MXD4: variants seen among roughly 807,000 people sequenced by gnomAD.
MXD4 encodes MAX dimerization protein 4, also known as Mad4 homolog.
In MXD4, 16 loss-of-function variants were observed where a neutral mutation model predicts 24.5. The observed-to-expected ratio is 0.65, with a 90% CI of 0.44 to 0.99. The LOEUF is 0.99. MXD4 is among the 50% of genes least tolerant of loss of function. MXD4 has a pLI of 0.00. For missense variants in MXD4, 301 were observed against 301.5 expected (o/e 1.00, Z 0.01); for synonymous variants, 164 against 134.2 (o/e 1.22, Z -1.54).
At chr4:2,257,144 G>A (rs1304731049) in intron 3 of MXD4, among the ~76,000 whole-genome samples, 1 of 152,234 alleles carries the variant, frequency 6.6e-6, no homozygotes, top group Admixed American at 6.5e-5. Flanking sequence ...AGTTGGTGCT[G>A]CTGTGGGGGT....
In MXD4 at chr4:2,249,190, T is replaced by G. The variant is rs952363146; in HGVS notation, c.*1354A>C. ...CAGGAGATGGGAGGACAGCACTAGC[T>G]GGGCAGGCCTGGGGCACCCTGAGCC... On this transcript the variant is annotated 3_prime_UTR_variant, in exon 6 of 6. Coordinates refer to ENST00000337190, the MANE Select transcript of MXD4 (RefSeq NM_006454.3). 6.6e-6 allele frequency: 1 copy of G among 152,584 alleles called. No homozygotes were observed. Among genetic ancestry groups the G allele is most frequent in the Non-Finnish European group, 1.5e-5 (1 of 68,046 alleles). 9.5% of individuals were successfully genotyped at this position (152,584 alleles called of 1,614,324 possible).
At position 2,262,007 on chromosome 4, in the gene MXD4, G is replaced by GGAC; in HGVS notation, c.-30_-28dup. 1.6e-6 allele frequency: 2 copies of GGAC among 1,213,406 alleles called. No homozygotes were observed. Among genetic ancestry groups the GGAC allele is most frequent in the African/African-American group, 1.6e-5 (1 of 62,118 alleles). 75.2% of individuals were successfully genotyped at this position (1,213,406 alleles called of 1,614,324 possible). On this transcript the variant is annotated 5_prime_UTR_variant, in exon 1 of 6. Coordinates refer to ENST00000337190, the MANE Select transcript of MXD4 (RefSeq NM_006454.3). ...CTCCCGCCCGCGCCCGTCCGCCCCGGGACGGCGGCGGCCGCTGCCCGGCCC... is the reference window on the plus strand; with the variant it reads ...CTCCCGCCCGCGCCCGTCCGCCCCGGGACGACGGCGGCGGCCGCTGCCCGGCCC...
At position 2,251,115 on chromosome 4, in the gene MXD4, G is replaced by A. The variant is rs764860254; in HGVS notation, c.441C>T (p.Gly147=). The A allele has an allele frequency of 6.3e-7, 1 of 1,589,044 alleles. No homozygotes were observed. Residue 147 remains glycine (G), a synonymous_variant, in exon 5 of 6, where the codon GGC becomes GGT. Coordinates refer to ENST00000337190, the MANE Select transcript of MXD4 (RefSeq NM_006454.3). ...SVERVRTDST[G]SAVSTDDSEQ... is the part of the protein sequence containing the mutation. ...CTGAGTCGTCCGTGGAGACAGCAGA[G>A]CCCGTGCTATCTGTGCGCACGCGCT...
Position 2,261,830 on chromosome 4 carries a change from GAC to G in MXD4, c.65-8_65-7del, listed in dbSNP as rs1735554602. On this transcript the variant is annotated splice_polypyrimidine_tract_variant and splice_region_variant and intron_variant, in intron 1 of 5. Coordinates refer to ENST00000337190, the MANE Select transcript of MXD4 (RefSeq NM_006454.3). ...GGCGTAGCCGTGCTCGGCCTCTGCG[GAC>G]ACACGGCGCGGTCAGCGGCCCCCGC... is the stretch of plus-strand genomic sequence containing the variant. 2.9e-6 allele frequency: 4 copies of G among 1,370,350 alleles called. No individual in the cohort carries two copies. The highest frequency in any genetic ancestry group is 3.8e-6 in the Non-Finnish European group (4 of 1,059,712). The allele number at this position is 1,370,350 out of a possible 1,614,324, so 84.9% of individuals were successfully genotyped here. A position where few individuals can be genotyped will look rare whatever the true frequency, so the allele number is the denominator to read the frequency against.
Position 2,249,794 on chromosome 4 carries a change from T to C in MXD4, c.*750A>G, listed in dbSNP as rs1735275869. On this transcript the variant is annotated 3_prime_UTR_variant, in exon 6 of 6. Transcript: ENST00000337190. ...TTTGCCAGATGACCCCTGAAGGCCA[T>C]CATCCCCAGAACATGTGACCTCGGG... The C allele has an allele frequency of 6.6e-6, 1 of 152,336 alleles. No individual in the cohort carries two copies. Among genetic ancestry groups the C allele is most frequent in the South Asian group, 2.1e-4 (1 of 4,826 alleles). 9.4% of individuals were successfully genotyped at this position (152,336 alleles called of 1,614,324 possible).
chr4:2,254,181 T>C (rs1438200138), intron 3 of MXD4: 1 of 151,494 alleles, frequency 6.6e-6, no homozygotes, highest in African/African-American at 2.4e-5. Flanking sequence ...AATTTAAAAA[T>C]GCAAATCAAC....
rs1267908862 is a variant in MXD4 at position 2,249,552 on chromosome 4, C to T, written c.*992G>A. The T allele has an allele frequency of 6.6e-6, 1 of 151,888 alleles. No homozygotes were observed. Among genetic ancestry groups the T allele is most frequent in the Non-Finnish European group, 1.5e-5 (1 of 67,982 alleles). The allele number at this position is 151,888 out of a possible 1,614,324, so 9.4% of individuals were successfully genotyped here. A position where few individuals can be genotyped will look rare whatever the true frequency, so the allele number is the denominator to read the frequency against. On this transcript the variant is annotated 3_prime_UTR_variant, in exon 6 of 6. Transcript: ENST00000337190. Reference sequence around the variant, plus strand: ...GGTGGCTCCAGGAGCCCTAACCGGGCTGCTGGGCAGTGCAGCATTTTACTT... The same window carrying T: ...GGTGGCTCCAGGAGCCCTAACCGGGTTGCTGGGCAGTGCAGCATTTTACTT...
In MXD4 at chr4:2,248,012, C is replaced by T. The variant is rs1735232175; in HGVS notation, c.*2532G>A. 1 of 152,354 alleles carries T rather than the reference C, an allele frequency of 6.6e-6. No individual in the cohort carries two copies. 9.4% of individuals were successfully genotyped at this position (152,354 alleles called of 1,614,324 possible). On this transcript the variant is annotated 3_prime_UTR_variant, in exon 6 of 6. Transcript: ENST00000337190. ...CTGGTGTGGGCTGGGAGGGCACACG[C>T]AGAGGCTCAGGAGCCCCGGGCTCTG...
chr4:2,260,795 GC>G (rs1305216114), intron 2 of MXD4, among the ~76,000 whole-genome samples: 1 of 152,234 alleles, frequency 6.6e-6, no homozygotes. Flanking sequence ...GGGCTCTGAA[GC>G]CCCCTACAAA....
intron 2 of MXD4, chr4:2,259,121 C>G: frequency 2.8e-6 from 1 of 351,192 alleles, no homozygotes; most frequent in South Asian, 2.0e-5. Flanking sequence ...CCTGAGGCCT[C>G]TCCCTGCCCT....
chr4:2,250,734 C>T (rs766253534), intron 5 of MXD4, 33 bp from the exon 6 acceptor site: 45 of 1,600,482 alleles, frequency 2.8e-5, no homozygotes, highest in Non-Finnish European at 3.8e-5. Context: ...GGGGTCAGGC[C>T]ACTCTGAGGG....
intron 2 of MXD4, 78 bp from the exon 3 acceptor site, chr4:2,258,089 G>A (rs1735467060): frequency 6.4e-7 from 1 of 1,567,502 alleles, no homozygotes; most frequent in Non-Finnish European, 8.7e-7. Flanking sequence ...TCTCCTAGGG[G>A]GCCAGGACCT....
chr4:2,260,292 T>G (rs1447526369), intron 2 of MXD4, among the ~76,000 whole-genome samples: 2 of 152,128 alleles, frequency 1.3e-5, no homozygotes, highest in Admixed American at 1.3e-4. Flanking sequence ...GATGGGTGAG[T>G]GGCAGGCAAG....
chr4:2,260,943 G>A (rs1238380159), intron 2 of MXD4, among the ~76,000 whole-genome samples: 2 of 152,292 alleles, frequency 1.3e-5, no homozygotes, highest in South Asian at 2.1e-4. Flanking sequence ...CACTCCCCAC[G>A]CGGGGGACCT....
At chr4:2,250,778 A>G in intron 5 of MXD4, 77 bp from the exon 6 acceptor site, 2 of 1,527,960 alleles carry the variant, frequency 1.3e-6, no homozygotes, top group Non-Finnish European at 1.8e-6. Flanking sequence ...TGGAAGCAGA[A>G]GCTCTAGGCA....
At chr4:2,255,194 G>A (rs1479587311) in intron 3 of MXD4, 1 of 397,920 alleles carries the variant, frequency 2.5e-6, no homozygotes, top group Non-Finnish European at 5.1e-6. Context: ...AGGAAATGGA[G>A]AACAAGGTCC....
At chr4:2,257,321 T>A (rs1211484397) in intron 3 of MXD4, among the ~76,000 whole-genome samples, 1 of 152,148 alleles carries the variant, frequency 6.6e-6, no homozygotes, top group Non-Finnish European at 1.5e-5. Context: ...CCAGCATCCC[T>A]CAGGGGACTC....
chr4:2,254,436 G>A (rs1735386286), intron 3 of MXD4: 1 of 152,122 alleles, frequency 6.6e-6, no homozygotes, highest in African/African-American at 2.4e-5. Flanking sequence ...GAAGCACCCG[G>A]CAATTTTATT....
rs534743565 is a variant in MXD4 at position 2,251,966 on chromosome 4, C to T, written c.309+442G>A. On this transcript the variant is annotated intron_variant, in intron 4 of 5. Transcript: ENST00000337190. ...TGAGCCCAGACCCACTGCCAGCTCC[C>T]GCTGCCCCAACCCCACCCTGGCACC... Among the ~76,000 whole-genome samples, 9 of 152,292 alleles carry T rather than the reference C, an allele frequency of 5.9e-5. No individual in the cohort carries two copies. In the East Asian group the frequency reaches 7.7e-4, roughly 13 times the overall value.
Sources: gnomAD v4.1 joint callset for allele counts (sites outside exome capture counted in the v4.1 genomes callset) on GRCh38, gnomAD v4.1.1 for gene constraint, MANE v1.5 for transcripts, NCBI Gene and HGNC (gene_info 2026-07-23, HGNC 2026-07-21) for gene names.